Variants in SP140 observed in about 807,000 individuals in gnomAD.
The protein encoded by SP140 is nuclear body protein SP140.
Under a neutral mutation model 125.0 loss-of-function variants are expected in SP140, and 81 were observed. The observed-to-expected ratio is 0.65, with a 90% CI of 0.54 to 0.78. The LOEUF is 0.78. Among genes scored for constraint, SP140 ranks in the 30% least tolerant of loss-of-function variants. The pLI is 0.00. For synonymous variants in SP140, 312 were observed against 354.0 expected, an observed-to-expected ratio of 0.88 and a Z score of 1.33; for missense variants, 858 against 1,037.0, an observed-to-expected ratio of 0.83 and a Z score of 2.37.
At chr2:230,225,936 C>T (rs2046268441) in intron 1 of SP140, 33 bp downstream of exon 1, 1 of 1,582,284 alleles carries the variant, frequency 6.3e-7, no homozygotes, top group Non-Finnish European at 8.7e-7. Context: ...GTCTGTCCTT[C>T]ATCTCTGGTA....
At chr2:230,225,994 A>G (rs1167169766) in intron 1 of SP140, 91 bp downstream of exon 1, 2 of 940,198 alleles carry the variant, frequency 2.1e-6, no homozygotes, top group African/African-American at 1.6e-5. Context: ...GCTTCACTCT[A>G]CAGGTATACA....
chr2:230,223,594 T>C (rs778126048), upstream of SP140, among the ~76,000 whole-genome samples: 1 of 152,224 alleles, frequency 6.6e-6, no homozygotes, highest in South Asian at 2.1e-4. Context: ...GGTTGAATTA[T>C]AGGCAAGAGA....
At chr2:230,199,741 A>C (rs1459028722), upstream of SP140, among the ~76,000 whole-genome samples, 10 of 152,112 alleles carry the variant, frequency 6.6e-5, no homozygotes, top group Admixed American at 6.5e-4. Flanking sequence ...TTTCCCAGAG[A>C]GAGTTTATTT....
At position 230,292,780 on chromosome 2, in the gene SP140, C is replaced by G; in HGVS notation, c.1960C>G (p.Leu654Val). ...VRCGGWPLRWLMENGFLPDPP... is the reference protein window; with the variant it reads ...VRCGGWPLRWVMENGFLPDPP... Reference sequence around the variant, plus strand: ...CTGTGGCGGGTGGCCCCTACGATGGCTGATGGAGGTATTCCAATGACAAGG... The same window carrying G: ...CTGTGGCGGGTGGCCCCTACGATGGGTGATGGAGGTATTCCAATGACAAGG... Residue 654 changes from leucine (L) to valine (V), a missense_variant, in exon 20 of 27, where the codon CTG becomes GTG. Leu to Val is a conservative substitution (Grantham distance 32). Transcript: ENST00000392045. 2 of 1,614,010 alleles carry G rather than the reference C, an allele frequency of 1.2e-6. No homozygotes were observed. The highest frequency in any genetic ancestry group is 1.7e-6 in the Non-Finnish European group (2 of 1,180,018).
intron 15 of SP140, 38 bp from the exon 16 acceptor site, chr2:230,284,308 A>T: frequency 6.5e-7 from 1 of 1,545,322 alleles, no homozygotes; most frequent in Non-Finnish European, 8.8e-7. Flanking sequence ...TTATATTTAT[A>T]CCTCTGCATA....
intron 20 of SP140, 56 bp from the exon 21 acceptor site, chr2:230,294,215 G>C (rs1575272700): frequency 6.9e-7 from 1 of 1,456,656 alleles, no homozygotes; most frequent in Non-Finnish European, 9.6e-7. Context: ...GGAAATGCCA[G>C]ACTCACAAAA....
intron 12 of SP140, among the ~76,000 whole-genome samples, chr2:230,262,327 C>T (rs1054725817): frequency 3.3e-5 from 5 of 152,064 alleles, no homozygotes; most frequent in Non-Finnish European, 5.9e-5. Context: ...TGACGTTATT[C>T]GGGTTTTCTC....
At chr2:230,191,658 C>T in the SP140 span, among the ~76,000 whole-genome samples, 7 of 152,076 alleles carry the variant, frequency 4.6e-5, no homozygotes, top group Non-Finnish European at 1.0e-4. Context: ...ACCAACAACA[C>T]AAAACCCAGG....
At chr2:230,210,349 C>T (rs2044331923) in intron 1 of SP140, among the ~76,000 whole-genome samples, 1 of 152,180 alleles carries the variant, frequency 6.6e-6, no homozygotes, top group African/African-American at 2.4e-5. Flanking sequence ...TGACTATAGT[C>T]ACATGGTTTC....
intron 11 of SP140, 112 bp from the exon 12 acceptor site, chr2:230,255,340 C>T (rs537387228): frequency 1.6e-6 from 2 of 1,244,456 alleles, no homozygotes; most frequent in South Asian, 2.7e-5. Context: ...GGGTGGGGGA[C>T]AGCCCTACCT....
chr2:230,208,113 T>C, intron 1 of SP140: 1 of 1,001,000 alleles, frequency 1.0e-6, no homozygotes. Context: ...CCCAATCTTG[T>C]ATGTCAATGA....
At chr2:230,248,998 G>T (rs1285627081) in intron 9 of SP140, 30 bp downstream of exon 9, 3 of 1,552,400 alleles carry the variant, frequency 1.9e-6, no homozygotes, top group South Asian at 2.2e-5. Flanking sequence ...TTAAATATTT[G>T]AGTACATCTT....
chr2:230,252,812 C>G (rs56936337), intron 10 of SP140, among the ~76,000 whole-genome samples: 1 of 151,304 alleles, frequency 6.6e-6, no homozygotes, highest in Non-Finnish European at 1.5e-5. Context: ...TTGTGCAAGG[C>G]CAGCTGGGGG....
At chr2:230,208,007 T>C in intron 1 of SP140, 2 of 1,560,852 alleles carry the variant, frequency 1.3e-6, no homozygotes, top group Non-Finnish European at 1.8e-6. Flanking sequence ...GGAGGCTTTT[T>C]TTCTTATGTC....
At chr2:230,207,940 C>T (rs779866381) in intron 1 of SP140, 6 of 873,902 alleles carry the variant, frequency 6.9e-6, no homozygotes, top group South Asian at 6.8e-5. Context: ...ACCTACAAGC[C>T]CTGCATGAGC....
At chr2:230,289,007 G>A (rs2056809395) in intron 18 of SP140, among the ~76,000 whole-genome samples, 1 of 152,116 alleles carries the variant, frequency 6.6e-6, no homozygotes, top group Admixed American at 6.5e-5. Flanking sequence ...TGGGTCAAAT[G>A]GTATTTCTGG....
intron 22 of SP140, among the ~76,000 whole-genome samples, chr2:230,302,690 T>C (rs1286096082): frequency 6.6e-6 from 1 of 151,932 alleles, no homozygotes; most frequent in Non-Finnish European, 1.5e-5. Context: ...TTTAAGAAAA[T>C]TGAAATTATA....
At chr2:230,221,740 A>G (rs1462084088), upstream of SP140, 2 of 1,535,932 alleles carry the variant, frequency 1.3e-6, no homozygotes, top group Non-Finnish European at 1.7e-6. Flanking sequence ...AAGCCCCTTC[A>G]TGGGCATCTG....
At chr2:230,218,490 AG>A (rs1296534713) in intron 3 of SP140, among the ~76,000 whole-genome samples, 2 of 152,246 alleles carry the variant, frequency 1.3e-5, no homozygotes, top group African/African-American at 4.8e-5. Flanking sequence ...GGAAGGAGAT[AG>A]TGCAAAGATC....
Sources: gnomAD v4.1 joint callset for allele counts (sites outside exome capture counted in the v4.1 genomes callset) on GRCh38, gnomAD v4.1.1 for gene constraint, MANE v1.5 for transcripts, NCBI Gene and HGNC (gene_info 2026-07-23, HGNC 2026-07-21) for gene names.